Variants in CECR2 observed in about 807,000 individuals in gnomAD.
CECR2 encodes chromatin remodeling regulator CECR2.
Under a neutral mutation model 154.5 loss-of-function variants are expected in CECR2, and 30 were observed. That is an observed-to-expected ratio of 0.19 (90% CI 0.15 to 0.26). CECR2 has a LOEUF of 0.26. Among genes scored for constraint, CECR2 ranks in the 10% least tolerant of loss-of-function variants. The pLI is 1.00. For missense variants in CECR2, 1,743 were observed against 1,829.3 expected (o/e 0.95, Z 0.86); for synonymous variants, 725 against 683.7 (o/e 1.06, Z -0.94).
At chr22:17,529,177 GGC>G (rs1190687111) in intron 9 of CECR2, among the ~76,000 whole-genome samples, 2 of 152,214 alleles carry the variant, frequency 1.3e-5, no homozygotes, top group East Asian at 3.8e-4. Flanking sequence ...TGAAGCGGAA[GGC>G]GCAGTGCAGA....
chr22:17,550,095 G>A (rs190392043), intron 17 of CECR2: 3 of 152,016 alleles, frequency 2.0e-5, no homozygotes, highest in African/African-American at 4.8e-5. Context: ...AAATGAACTG[G>A]CATTTAAATG....
At chr22:17,547,739 T>C (rs2056636010) in intron 16 of CECR2, among the ~76,000 whole-genome samples, 1 of 152,192 alleles carries the variant, frequency 6.6e-6, no homozygotes, top group African/African-American at 2.4e-5. Flanking sequence ...TGCCCTGTTC[T>C]TTCTGGTTGC....
At chr22:17,462,378 A>G (rs1379444724) in intron 1 of CECR2, among the ~76,000 whole-genome samples, 2 of 152,040 alleles carry the variant, frequency 1.3e-5, no homozygotes, top group African/African-American at 4.8e-5. Flanking sequence ...AATAAAAAAA[A>G]AAGATAAAGA....
chr22:17,382,493 G>A (rs556688252), intron 1 of CECR2, among the ~76,000 whole-genome samples: 1 of 152,162 alleles, frequency 6.6e-6, no homozygotes, highest in Admixed American at 6.5e-5. Context: ...GCAGTAAAGT[G>A]AGTCACATGA....
chr22:17,435,240 C>T (rs551665360), intron 1 of CECR2, among the ~76,000 whole-genome samples: 102 of 151,986 alleles, frequency 6.7e-4, no homozygotes, highest in African/African-American at 2.4e-3. Flanking sequence ...CAGTGAAAAG[C>T]AAAACAAAAC....
At chr22:17,546,575 TTTCA>T (rs2056617722) in intron 16 of CECR2, among the ~76,000 whole-genome samples, 1 of 152,020 alleles carries the variant, frequency 6.6e-6, no homozygotes, top group Admixed American at 6.6e-5. Flanking sequence ...GGTTTTTCAC[TTTCA>T]TTGTGTAATT....
intron 1 of CECR2, among the ~76,000 whole-genome samples, chr22:17,463,146 G>A (rs2054969758): frequency 6.6e-6 from 1 of 152,212 alleles, no homozygotes; most frequent in African/African-American, 2.4e-5. Flanking sequence ...AGAACCTAGT[G>A]CAGATGCCCC....
At chr22:17,452,727 G>A (rs923522205) in intron 1 of CECR2, among the ~76,000 whole-genome samples, 2 of 152,130 alleles carry the variant, frequency 1.3e-5, no homozygotes, top group African/African-American at 2.4e-5. Context: ...TGGTCATTGA[G>A]TAGGAAGCTG....
At chr22:17,417,609 G>T in intron 1 of CECR2, among the ~76,000 whole-genome samples, 1 of 151,980 alleles carries the variant, frequency 6.6e-6, no homozygotes, top group Non-Finnish European at 1.5e-5. Flanking sequence ...ACCCAGTCTG[G>T]CCTCTTATTT....
At chr22:17,436,481 G>A (rs1358970502) in intron 1 of CECR2, among the ~76,000 whole-genome samples, 1 of 152,188 alleles carries the variant, frequency 6.6e-6, no homozygotes, top group Non-Finnish European at 1.5e-5. Flanking sequence ...TTCCTTAATG[G>A]TCTTTCATCA....
intron 2 of CECR2, among the ~76,000 whole-genome samples, chr22:17,494,680 A>C (rs1354960017): frequency 1.3e-5 from 2 of 152,136 alleles, no homozygotes; most frequent in East Asian, 3.9e-4. Context: ...TCTTTGAAAA[A>C]GCAAACTGTT....
intron 1 of CECR2, among the ~76,000 whole-genome samples, chr22:17,401,849 C>CTT (rs199771623): frequency 6.9e-6 from 1 of 144,204 alleles, no homozygotes; most frequent in African/African-American, 2.6e-5. Flanking sequence ...CCCCCGCTGC[C>CTT]TTTTTTTTAA....
At chr22:17,387,324 G>A (rs1362105796) in intron 1 of CECR2, among the ~76,000 whole-genome samples, 1 of 152,086 alleles carries the variant, frequency 6.6e-6, no homozygotes, top group African/African-American at 2.4e-5. Context: ...AACACATCTC[G>A]CAAGAAAAGA....
chr22:17,379,883 A>C (rs1228813749), intron 1 of CECR2, among the ~76,000 whole-genome samples: 1 of 152,124 alleles, frequency 6.6e-6, no homozygotes, highest in Non-Finnish European at 1.5e-5. Flanking sequence ...GAAGAAAGAT[A>C]CCATAGAACT....
At chr22:17,377,260 C>T (rs866148746) in intron 1 of CECR2, among the ~76,000 whole-genome samples, 3 of 152,126 alleles carry the variant, frequency 2.0e-5, no homozygotes, top group South Asian at 4.1e-4. Flanking sequence ...TTTTCTTTCT[C>T]TTTCTCTGGC....
intron 10 of CECR2, among the ~76,000 whole-genome samples, chr22:17,538,210 C>G (rs1225969913): frequency 6.6e-6 from 1 of 152,138 alleles, no homozygotes; most frequent in Non-Finnish European, 1.5e-5. Flanking sequence ...AGAGCAAGAT[C>G]CTGTCTCAAA....
chr22:17,517,819 A>G (rs2056085540), intron 8 of CECR2, among the ~76,000 whole-genome samples: 1 of 152,250 alleles, frequency 6.6e-6, no homozygotes, highest in Non-Finnish European at 1.5e-5. Context: ...CGTACATAAC[A>G]GGGCAAAGTC....
upstream of CECR2, among the ~76,000 whole-genome samples, chr22:17,367,346 C>T (rs2063007548): frequency 6.6e-6 from 1 of 151,950 alleles, no homozygotes; most frequent in Non-Finnish European, 1.5e-5. Flanking sequence ...TAAACGATGA[C>T]AAAAGATAAA....
intron 9 of CECR2, among the ~76,000 whole-genome samples, chr22:17,527,029 G>A (rs2056277301): frequency 1.3e-5 from 2 of 152,124 alleles, no homozygotes; most frequent in African/African-American, 2.4e-5. Context: ...GAAAACATTT[G>A]CAAACTGCCC....
Sources: allele counts gnomAD v4.1 joint callset (sites outside exome capture counted in the v4.1 genomes callset), GRCh38; gene constraint gnomAD v4.1.1; transcripts MANE v1.5; gene names NCBI Gene and HGNC (gene_info 2026-07-23, HGNC 2026-07-21).